Variants in DRAXIN observed in about 807,000 individuals in gnomAD.
DRAXIN encodes the protein dorsal repulsive axon guidance protein.
DRAXIN carries 27 observed loss-of-function variants against 33.9 expected under a neutral mutation model. The observed-to-expected ratio is 0.80, with a 90% CI of 0.59 to 1.10. DRAXIN has a LOEUF of 1.10. Among genes scored for constraint, DRAXIN ranks in the 50% least tolerant of loss-of-function variants. The pLI, the probability that DRAXIN is intolerant of heterozygous loss-of-function variation, is 0.00. For missense variants in DRAXIN, 371 were observed against 460.8 expected (o/e 0.81, Z 1.78); for synonymous variants, 178 against 194.0 (o/e 0.92, Z 0.69).
intron 2 of DRAXIN, among the ~76,000 whole-genome samples, chr1:11,707,673 C>T (rs12048469): frequency 0.27 from 41,207 of 152,134 alleles, 6,498 homozygotes; most frequent in East Asian, 0.4. Context: ...GCTTGCCTAC[C>T]GCTCCTGCCT....
rs191874582 is a variant in DRAXIN at position 11,717,852 on chromosome 1, G to A, written c.938-1732G>A. 2.4e-3 allele frequency among the ~76,000 whole-genome samples: 354 copies of A among 146,532 alleles called. 2 individuals are homozygous for A. Among genetic ancestry groups the A allele is most frequent in the African/African-American group, 8.6e-3 (342 of 39,990 alleles). On this transcript the variant is annotated intron_variant, in intron 6 of 6. Coordinates refer to ENST00000294485, the MANE Select transcript of DRAXIN (RefSeq NM_198545.4). ...ACAAAAAAAAAAAAAAAAATTAGCC[G>A]GGTGTGGTGGCGCACACCCATAGTA...
chr1:11,695,615 T>A (rs55837746), intron 1 of DRAXIN, among the ~76,000 whole-genome samples: 10,536 of 122,748 alleles, frequency 0.086, 562 homozygotes, highest in African/African-American at 0.17. Context: ...AAAAAAAATA[T>A]ATATATATAT....
chr1:11,715,029 G>T (rs910749188), intron 5 of DRAXIN, 90 bp from the exon 6 acceptor site: 3 of 1,474,682 alleles, frequency 2.0e-6, no homozygotes, highest in Non-Finnish European at 1.9e-6. Context: ...CCACAGAGAT[G>T]ATGGATCTCT....
In DRAXIN at chr1:11,720,826, C is replaced by T. The variant is rs1321577563; in HGVS notation, c.*1130C>T. On this transcript the variant is annotated 3_prime_UTR_variant, in exon 7 of 7. Coordinates refer to ENST00000294485, the MANE Select transcript of DRAXIN (RefSeq NM_198545.4). Reference sequence around the variant, plus strand: ...TCTAAGGCTTTTGGCAAGAGAGGCTCACACCCTGGTATTCCCTTCCTCTGT... The same window carrying T: ...TCTAAGGCTTTTGGCAAGAGAGGCTTACACCCTGGTATTCCCTTCCTCTGT... 6.6e-6 allele frequency: 1 copy of T among 152,212 alleles called. No homozygotes were observed. Among genetic ancestry groups the T allele is most frequent in the African/African-American group, 2.4e-5 (1 of 41,448 alleles). The allele number at this position is 152,212 out of a possible 1,614,324, so 9.4% of individuals were successfully genotyped here.
Position 11,694,193 on chromosome 1 carries a change from T to C in DRAXIN, c.-11+2340T>C, listed in dbSNP as rs1641154168. 6.6e-6 allele frequency among the ~76,000 whole-genome samples: 1 copy of C among 152,106 alleles called. No individual in the cohort carries two copies. Among genetic ancestry groups the C allele is most frequent in the Non-Finnish European group, 1.5e-5 (1 of 68,014 alleles). On this transcript the variant is annotated intron_variant, in intron 1 of 6. Coordinates refer to ENST00000294485, the MANE Select transcript of DRAXIN (RefSeq NM_198545.4). This position sits in a 1 kb window ranked among gnomAD's most constrained non-coding sequence, Gnocchi z 4.9. ...TGGGGGCTGGGTCTCCTTCTGCTTG[T>C]GGTCCCAGTGCCTGGCACGCAGTAG... is the stretch of plus-strand genomic sequence containing the variant.
At chr1:11,716,513 C>T (rs1472757379) in intron 6 of DRAXIN, among the ~76,000 whole-genome samples, 1 of 152,220 alleles carries the variant, frequency 6.6e-6, no homozygotes, top group Non-Finnish European at 1.5e-5. Context: ...CTCTGTGGAC[C>T]TGAGATACAT....
intron 2 of DRAXIN, among the ~76,000 whole-genome samples, chr1:11,708,254 G>C (rs1570314643): frequency 6.6e-6 from 1 of 152,346 alleles, no homozygotes; most frequent in East Asian, 1.9e-4. Flanking sequence ...GATATGGTGA[G>C]GAGGAGGTGG....
At chr1:11,690,839 G>A (rs1028546520), upstream of DRAXIN, among the ~76,000 whole-genome samples, 15 of 152,154 alleles carry the variant, frequency 9.9e-5, no homozygotes, top group Admixed American at 9.8e-4. This position sits in a 1 kb window ranked among gnomAD's most constrained non-coding sequence, Gnocchi z 4.2. Flanking sequence ...GGATGAGCCG[G>A]CCCCAGCGCT....
At chr1:11,710,680 C>CG (rs1192294087) in intron 3 of DRAXIN, among the ~76,000 whole-genome samples, 4 of 149,110 alleles carry the variant, frequency 2.7e-5, no homozygotes, top group African/African-American at 9.9e-5. Context: ...TTTGGGAGGC[C>CG]AAGGCGGGCA....
At chr1:11,688,276 G>A (rs1007178895), upstream of DRAXIN, among the ~76,000 whole-genome samples, 3 of 152,060 alleles carry the variant, frequency 2.0e-5, no homozygotes, top group African/African-American at 4.8e-5. This position sits in a 1 kb window ranked among gnomAD's most constrained non-coding sequence, Gnocchi z 4.6. Context: ...ATCAGCACAC[G>A]TGGCCGGGCA....
At chr1:11,717,193 G>C (rs774490272) in intron 6 of DRAXIN, among the ~76,000 whole-genome samples, 169 of 152,156 alleles carry the variant, frequency 1.1e-3, no homozygotes, top group Non-Finnish European at 2.2e-4. Context: ...TGAGGCATGA[G>C]AATCGCTTGA....
chr1:11,715,908 C>A (rs1641570213), intron 6 of DRAXIN, among the ~76,000 whole-genome samples: 1 of 152,218 alleles, frequency 6.6e-6, no homozygotes, highest in Non-Finnish European at 1.5e-5. Flanking sequence ...TTTACTCTGT[C>A]ACCCAGGCTG....
chr1:11,697,075 A>C, intron 1 of DRAXIN, among the ~76,000 whole-genome samples: 1 of 151,750 alleles, frequency 6.6e-6, no homozygotes, highest in Non-Finnish European at 1.5e-5. Flanking sequence ...TTTACTCCCC[A>C]ATCCTCATGA....
chr1:11,695,813 G>T (rs1029487882), intron 1 of DRAXIN, among the ~76,000 whole-genome samples: 1 of 152,000 alleles, frequency 6.6e-6, no homozygotes, highest in Non-Finnish European at 1.5e-5. Context: ...AGGAAGAGGG[G>T]CCACAAGTAC....
At position 11,704,013 on chromosome 1, in the gene DRAXIN, C is replaced by A. The variant is rs1229455278; in HGVS notation, c.-10-2236C>A. ...CTAGGCTGCTCACCAGGCTCAGAGG[C>A]GGCTCTGAGGTTTACTGACAGCCTT... On this transcript the variant is annotated intron_variant, in intron 1 of 6. Coordinates refer to ENST00000294485, the MANE Select transcript of DRAXIN (RefSeq NM_198545.4). This position sits in a 1 kb window ranked among gnomAD's most constrained non-coding sequence, Gnocchi z 4.6. 6.6e-6 allele frequency among the ~76,000 whole-genome samples: 1 copy of A among 152,144 alleles called. No individual in the cohort carries two copies. The highest frequency in any genetic ancestry group is 6.5e-5 in the Admixed American group (1 of 15,274).
intron 6 of DRAXIN, among the ~76,000 whole-genome samples, chr1:11,716,290 A>G (rs529343118): frequency 2.0e-5 from 3 of 152,348 alleles, no homozygotes; most frequent in East Asian, 3.9e-4. Flanking sequence ...TGTGTCTATC[A>G]TCTCTCACAC....
At chr1:11,711,513 C>A (rs1193233786) in intron 3 of DRAXIN, among the ~76,000 whole-genome samples, 2 of 152,216 alleles carry the variant, frequency 1.3e-5, no homozygotes, top group African/African-American at 4.8e-5. Flanking sequence ...TTCCAACACC[C>A]TCCTCGTGGG....
In DRAXIN at chr1:11,721,656, G is replaced by A. The variant is rs1210963417; in HGVS notation, c.*1960G>A. ...AACCTTGTGGGGAGGGAGCAGGGAG[G>A]GCAGGGGAACTGGGAGATCAAAGCA... is the stretch of plus-strand genomic sequence containing the variant. On this transcript the variant is annotated 3_prime_UTR_variant, in exon 7 of 7. Coordinates refer to ENST00000294485, the MANE Select transcript of DRAXIN (RefSeq NM_198545.4). 2.6e-5 allele frequency: 4 copies of A among 152,406 alleles called. No individual in the cohort carries two copies. Among genetic ancestry groups the A allele is most frequent in the African/African-American group, 9.7e-5 (4 of 41,414 alleles). 9.4% of individuals were successfully genotyped at this position (152,406 alleles called of 1,614,324 possible).
rs757126748 is a variant in DRAXIN, at chr1:11,706,595, C to A, written c.337C>A (p.Leu113Met). The A allele has an allele frequency of 1.9e-6, 3 of 1,605,984 alleles. No individual in the cohort carries two copies. Among genetic ancestry groups the A allele is most frequent in the South Asian group, 2.2e-5 (2 of 90,812 alleles). ...CCTGCTGCAGGACAAGGACCTGCTC[C>A]TGGGACTGGCATTGCCCTACCCCGA... is the stretch of plus-strand genomic sequence containing the variant. ...AGLLQDKDLL[L>M]GLALPYPEKE... The change falls in exon 2 of 7, where the codon CTG becomes ATG. Residue 113 changes from leucine (L) to methionine (M), a missense_variant. By Grantham distance (15) the Leu-to-Met change is conservative (BLOSUM62 2). Transcript: ENST00000294485. This position sits in a 1 kb window ranked among gnomAD's most constrained non-coding sequence, Gnocchi z 5.5.
Sources: allele counts gnomAD v4.1 joint callset (sites outside exome capture counted in the v4.1 genomes callset), GRCh38; gene constraint gnomAD v4.1.1; non-coding constraint Gnocchi (gnomAD v3.1); transcripts MANE v1.5; gene names NCBI Gene and HGNC (gene_info 2026-07-23, HGNC 2026-07-21).